PAN3: variants seen among roughly 807,000 people sequenced by gnomAD.
PAN3 encodes the protein poly(A) specific ribonuclease subunit PAN3, also known as PAN2-PAN3 deadenylation complex subunit PAN3.
A neutral mutation model predicts 96.2 loss-of-function variants in PAN3; 19 were observed. The ratio of observed to expected loss-of-function variants is 0.20; its 90% confidence interval spans 0.14 to 0.29. The LOEUF (loss-of-function observed/expected upper bound fraction) is 0.29. PAN3 is among the 10% of genes least tolerant of loss of function. PAN3 has a pLI of 1.00. For synonymous variants in PAN3, 433 were observed against 406.6 expected, an observed-to-expected ratio of 1.06 and a Z score of -0.78; for missense variants, 882 against 1,108.1, an observed-to-expected ratio of 0.80 and a Z score of 2.90.
intron 2 of PAN3, among the ~76,000 whole-genome samples, chr13:28,175,863 A>G (rs1874903213): frequency 6.6e-6 from 1 of 152,194 alleles, no homozygotes; most frequent in African/African-American, 2.4e-5. Context: ...ACATTAAATA[A>G]GAAGTTGAGT....
At chr13:28,255,068 G>A (rs1308361613) in intron 6 of PAN3, among the ~76,000 whole-genome samples, 1 of 152,026 alleles carries the variant, frequency 6.6e-6, no homozygotes, top group Non-Finnish European at 1.5e-5. Context: ...AAAACATGTT[G>A]GTATCTTATG....
chr13:28,255,588 C>T, intron 6 of PAN3, among the ~76,000 whole-genome samples: 1 of 151,932 alleles, frequency 6.6e-6, no homozygotes, highest in East Asian at 1.9e-4. Context: ...GTGGTTGTTC[C>T]ACTAGAACAT....
At chr13:28,180,294 A>G (rs948902936) in intron 4 of PAN3, among the ~76,000 whole-genome samples, 9 of 152,204 alleles carry the variant, frequency 5.9e-5, no homozygotes, top group African/African-American at 1.4e-4. Context: ...TTGAAGGACT[A>G]TATTTTCTTG....
At chr13:28,140,270 G>T (rs1482135505) in intron 1 of PAN3, among the ~76,000 whole-genome samples, 1 of 152,186 alleles carries the variant, frequency 6.6e-6, no homozygotes, top group Admixed American at 6.5e-5. Context: ...ACAATTGAAT[G>T]TGAGCGTAAT....
chr13:28,175,118 T>G (rs2138103966), intron 2 of PAN3, among the ~76,000 whole-genome samples: 1 of 152,358 alleles, frequency 6.6e-6, no homozygotes. Context: ...TGTTTTTAAT[T>G]GGAAAACTGC....
chr13:28,289,618 G>A (rs141513088), intron 18 of PAN3, among the ~76,000 whole-genome samples: 5,927 of 152,202 alleles, frequency 0.039, 129 homozygotes, highest in African/African-American at 0.045. Flanking sequence ...GCAGTAGCTC[G>A]CGCCTGTAAT....
chr13:28,199,891 A>G (rs1282928724), intron 5 of PAN3, among the ~76,000 whole-genome samples: 1 of 152,120 alleles, frequency 6.6e-6, no homozygotes, highest in Non-Finnish European at 1.5e-5. Context: ...GGTCAGAAAA[A>G]TGTTTTAAAA....
At chr13:28,207,542 G>C (rs1879519307) in intron 5 of PAN3, among the ~76,000 whole-genome samples, 1 of 152,164 alleles carries the variant, frequency 6.6e-6, no homozygotes, top group Non-Finnish European at 1.5e-5. Flanking sequence ...AGAGTTCCAT[G>C]TTCTTGCTTC....
chr13:28,260,393 G>T, intron 7 of PAN3, 54 bp from the exon 8 acceptor site: 1 of 1,399,160 alleles, frequency 7.1e-7, no homozygotes, highest in South Asian at 1.2e-5. Context: ...GACTCCATCT[G>T]AAAAAAAGAA....
intron 5 of PAN3, among the ~76,000 whole-genome samples, chr13:28,212,869 C>A (rs370041287): frequency 2.6e-5 from 4 of 152,204 alleles, no homozygotes; most frequent in African/African-American, 9.6e-5. Context: ...CCTGATGGGG[C>A]TGATGGGATG....
chr13:28,168,799 A>T (rs1380537781), intron 1 of PAN3, among the ~76,000 whole-genome samples: 1 of 152,042 alleles, frequency 6.6e-6, no homozygotes, highest in Non-Finnish European at 1.5e-5. Flanking sequence ...CGGGCAGATC[A>T]TGAGGTCAGG....
intron 6 of PAN3, among the ~76,000 whole-genome samples, chr13:28,225,918 A>G (rs1300313232): frequency 1.3e-5 from 2 of 152,162 alleles, no homozygotes; most frequent in Non-Finnish European, 2.9e-5. Context: ...AAAATTGTGA[A>G]CTCTTGTAAG....
intron 8 of PAN3, 64 bp downstream of exon 8, chr13:28,260,615 A>G: frequency 1.6e-6 from 2 of 1,260,212 alleles, no homozygotes; most frequent in African/African-American, 1.5e-5. Context: ...AACAGGGGAA[A>G]GAACAGAGCT....
rs35542876 is a variant in PAN3, at chr13:28,280,555, A to ATTTTTTTTTT, written c.2319+29_2319+38dup. 4.3e-6 allele frequency: 5 copies of ATTTTTTTTTT among 1,150,780 alleles called. No individual in the cohort carries two copies. Among genetic ancestry groups the ATTTTTTTTTT allele is most frequent in the Admixed American group, 3.8e-5 (1 of 26,366 alleles). The allele number at this position is 1,150,780 out of a possible 1,614,324, so 71.3% of individuals were successfully genotyped here. On this transcript the variant is annotated intron_variant, in intron 16 of 18. Transcript: ENST00000380958. Reference sequence around the variant, plus strand: ...GACCTTGCAAAGGTAAAGAGTGTAAATTTTTTTTTTTTTTTTTTTTTTTTG... The same window carrying ATTTTTTTTTT: ...GACCTTGCAAAGGTAAAGAGTGTAAATTTTTTTTTTTTTTTTTTTTTTTTTTTTTTTTTTG...
At chr13:28,260,867 C>T (rs1885658272) in intron 8 of PAN3, among the ~76,000 whole-genome samples, 1 of 151,994 alleles carries the variant, frequency 6.6e-6, no homozygotes, top group South Asian at 2.1e-4. Flanking sequence ...CAGTATTTTT[C>T]TAATAGATGT....
At chr13:28,229,946 G>A (rs1201874132) in intron 6 of PAN3, among the ~76,000 whole-genome samples, 4 of 152,040 alleles carry the variant, frequency 2.6e-5, no homozygotes, top group African/African-American at 4.8e-5. Flanking sequence ...ATGACTGCTC[G>A]ATTTAGAACT....
chr13:28,291,285 CAAAAAT>C (rs1182574206), intron 18 of PAN3, among the ~76,000 whole-genome samples: 1 of 151,806 alleles, frequency 6.6e-6, no homozygotes, highest in African/African-American at 2.4e-5. Context: ...TTGAAAATAA[CAAAAAT>C]AAAGTGAAAA....
At chr13:28,162,880 A>C (rs1038340179) in intron 1 of PAN3, among the ~76,000 whole-genome samples, 2 of 151,598 alleles carry the variant, frequency 1.3e-5, no homozygotes, top group South Asian at 4.2e-4. Flanking sequence ...AAAAAAAAAA[A>C]CCTAACAAAA....
At chr13:28,144,211 GTTTTTTT>G (rs972669575) in intron 1 of PAN3, among the ~76,000 whole-genome samples, 22 of 101,558 alleles carry the variant, frequency 2.2e-4, no homozygotes, top group East Asian at 5.8e-4. Flanking sequence ...AAGTTTTTTT[GTTTTTTT>G]TTTTTTTTTT....
Sources: allele counts gnomAD v4.1 joint callset (sites outside exome capture counted in the v4.1 genomes callset), GRCh38; gene constraint gnomAD v4.1.1; transcripts MANE v1.5; gene names NCBI Gene and HGNC (gene_info 2026-07-23, HGNC 2026-07-21).